Variants in CCDC92B observed in about 807,000 individuals in gnomAD.
The protein encoded by CCDC92B is coiled-coil domain-containing 92B.
A neutral mutation model predicts 5.6 loss-of-function variants in CCDC92B; 2 were observed. The observed-to-expected ratio is 0.36, with a 90% CI of 0.15 to 1.12. CCDC92B has a LOEUF of 1.12. Among genes scored for constraint, CCDC92B ranks in the 50% most tolerant of loss-of-function variants. CCDC92B has a pLI of 0.40. For missense variants in CCDC92B, 271 were observed against 262.2 expected, an observed-to-expected ratio of 1.03 and a Z score of -0.23; for synonymous variants, 115 against 122.3, an observed-to-expected ratio of 0.94 and a Z score of 0.39.
intron 1 of CCDC92B, among the ~76,000 whole-genome samples, chr17:2,749,151 T>C (rs2071024827): frequency 6.6e-6 from 1 of 151,802 alleles, no homozygotes; most frequent in Non-Finnish European, 1.5e-5. Context: ...GCAGCAGAAA[T>C]AAAGGTGTGC....
intron 1 of CCDC92B, among the ~76,000 whole-genome samples, chr17:2,739,717 G>C (rs2070906280): frequency 6.6e-6 from 1 of 152,060 alleles, no homozygotes; most frequent in South Asian, 2.1e-4. Flanking sequence ...GTGATAGATA[G>C]ATAGATAGAA....
intron 1 of CCDC92B, among the ~76,000 whole-genome samples, chr17:2,746,552 G>A (rs116563384): frequency 7.1e-4 from 108 of 152,134 alleles, no homozygotes; most frequent in African/African-American, 2.2e-3. Context: ...TCTGAGGTCC[G>A]GGCTCCTGAT....
chr17:2,748,195 T>A (rs1192631838), intron 1 of CCDC92B: 1 of 563,380 alleles, frequency 1.8e-6, no homozygotes, highest in Non-Finnish European at 3.4e-6. Context: ...GATGACAAAC[T>A]CTTCCAGTAG....
chr17:2,723,725 G>C lies in CCDC92B; in HGVS notation c.*686C>G, dbSNP rs2070685901. The C allele has an allele frequency of 6.5e-6, 1 of 154,720 alleles. No individual in the cohort carries two copies. Among genetic ancestry groups the C allele is most frequent in the South Asian group, 2.1e-4 (1 of 4,872 alleles). The allele number at this position is 154,720 out of a possible 1,614,324, so 9.6% of individuals were successfully genotyped here. On this transcript the variant is annotated 3_prime_UTR_variant, in exon 4 of 4. Coordinates refer to ENST00000614400, the MANE Select transcript of CCDC92B (RefSeq NM_001355573.2). ...CTCGGGAAGAGCTGAGCTGGAGACG[G>C]CTCTAGACCAAGTCCGGCCAACCAG...
At chr17:2,725,988 CTTTTTTTT>C (rs565583381) in intron 3 of CCDC92B, among the ~76,000 whole-genome samples, 1 of 78,240 alleles carries the variant, frequency 1.3e-5, no homozygotes, top group Non-Finnish European at 2.3e-5. Context: ...TTTATCACGT[CTTTTTTTT>C]TTTTTTTTTT....
At chr17:2,747,391 G>C (rs755248968) in intron 1 of CCDC92B, among the ~76,000 whole-genome samples, 7 of 152,080 alleles carry the variant, frequency 4.6e-5, no homozygotes, top group Admixed American at 3.9e-4. Context: ...TATAGTCAGC[G>C]CGGGTATATT....
intron 1 of CCDC92B, among the ~76,000 whole-genome samples, chr17:2,744,674 T>C (rs1444848399): frequency 6.6e-6 from 1 of 152,106 alleles, no homozygotes; most frequent in African/African-American, 2.4e-5. Context: ...GAGAAGCAGA[T>C]TGACACAAGG....
intron 1 of CCDC92B, among the ~76,000 whole-genome samples, chr17:2,737,001 C>CT (rs1464072522): frequency 6.6e-6 from 1 of 151,208 alleles, no homozygotes; most frequent in African/African-American, 2.5e-5. Context: ...CATGGCAGAA[C>CT]TTTGAGTTGC....
At chr17:2,748,478 C>T (rs148458679) in intron 1 of CCDC92B, 434 of 951,308 alleles carry the variant, frequency 4.6e-4, no homozygotes, top group African/African-American at 3.6e-3. Context: ...ACCTGGCTTC[C>T]GTGCAAAGCC....
chr17:2,724,266 G>A lies in CCDC92B; in HGVS notation c.*145C>T, dbSNP rs2070696676. On this transcript the variant is annotated 3_prime_UTR_variant, in exon 4 of 4. Coordinates refer to ENST00000614400, the MANE Select transcript of CCDC92B (RefSeq NM_001355573.2). The surrounding 1 kb of genome is among the most constrained non-coding windows in gnomAD (Gnocchi z 5.0). ...AAGTACAAAAGGCTGGCGGTTCGGG[G>A]ATTTGGGGGGAGCCGGGGCCGCCTC... The A allele has an allele frequency of 1.0e-6, 1 of 985,386 alleles. No individual in the cohort carries two copies. Among genetic ancestry groups the A allele is most frequent in the Non-Finnish European group, 1.2e-6 (1 of 829,910 alleles). The allele number at this position is 985,386 out of a possible 1,614,324, so 61.0% of individuals were successfully genotyped here. A position where few individuals can be genotyped will look rare whatever the true frequency, so the allele number is the denominator to read the frequency against.
intron 1 of CCDC92B, among the ~76,000 whole-genome samples, chr17:2,747,793 A>T (rs1224467507): frequency 6.6e-6 from 1 of 152,236 alleles, no homozygotes; most frequent in East Asian, 1.9e-4. Flanking sequence ...CCTGACTCAG[A>T]GGCCTGGGGC....
chr17:2,725,163 C>G (rs2070712491), intron 3 of CCDC92B, among the ~76,000 whole-genome samples, 163 bp from the exon 4 acceptor site: 1 of 152,066 alleles, frequency 6.6e-6, no homozygotes, highest in Non-Finnish European at 1.5e-5. Context: ...GACTTGAGGT[C>G]AGGAGTTCGA....
At chr17:2,747,880 G>A (rs909244616) in intron 1 of CCDC92B, among the ~76,000 whole-genome samples, 2 of 152,192 alleles carry the variant, frequency 1.3e-5, no homozygotes, top group Non-Finnish European at 2.9e-5. Flanking sequence ...ATAATAATAA[G>A]TAATTGGTAC....
At chr17:2,748,322 A>T in intron 1 of CCDC92B, 2 of 1,245,604 alleles carry the variant, frequency 1.6e-6, no homozygotes, top group Non-Finnish European at 2.1e-6. Flanking sequence ...GCCATCCCTG[A>T]TCCCCCACCA....
chr17:2,748,619 G>A (rs1597249229), intron 1 of CCDC92B: 1 of 983,936 alleles, frequency 1.0e-6, no homozygotes. Flanking sequence ...GGAATCTCTT[G>A]CAAGGAACAG....
chr17:2,746,271 C>A (rs552011301), intron 1 of CCDC92B, among the ~76,000 whole-genome samples: 1 of 152,176 alleles, frequency 6.6e-6, no homozygotes, highest in Admixed American at 6.6e-5. Flanking sequence ...TGTGAGCCAC[C>A]GCGCCCAGCC....
At chr17:2,728,338 T>G (rs1597234659) in intron 3 of CCDC92B, among the ~76,000 whole-genome samples, 2 of 139,198 alleles carry the variant, frequency 1.4e-5, no homozygotes, top group Non-Finnish European at 1.5e-5. Context: ...CCAGACGCGG[T>G]GGCTCATGCC....
At chr17:2,733,743 G>GTTTTTT (rs1567614345) in intron 2 of CCDC92B, among the ~76,000 whole-genome samples, 2 of 81,562 alleles carry the variant, frequency 2.5e-5, no homozygotes, top group Admixed American at 4.1e-4. Flanking sequence ...AGGACCACTG[G>GTTTTTT]CTTTTTTTTT....
intron 1 of CCDC92B, among the ~76,000 whole-genome samples, chr17:2,737,169 T>TA (rs2070867211): frequency 1.3e-5 from 2 of 152,042 alleles, no homozygotes; most frequent in Admixed American, 1.3e-4. Context: ...GCCCAGGACT[T>TA]AGAGCTCCTG....
Sources: gnomAD v4.1 joint callset for allele counts (sites outside exome capture counted in the v4.1 genomes callset) on GRCh38, gnomAD v4.1.1 for gene constraint, Gnocchi (gnomAD v3.1) non-coding constraint, MANE v1.5 for transcripts, NCBI Gene and HGNC (gene_info 2026-07-23, HGNC 2026-07-21) for gene names.